Variants in MID2 observed in about 807,000 individuals in gnomAD.
MID2 encodes probable E3 ubiquitin-protein ligase MID2.
A neutral mutation model predicts 46.1 loss-of-function variants in MID2; 13 were observed. The observed-to-expected ratio is 0.28, with a 90% CI of 0.18 to 0.45. MID2 has a LOEUF of 0.45. Among genes scored for constraint, MID2 ranks in the 20% least tolerant of loss-of-function variants. MID2 has a pLI of 1.00. For missense variants in MID2, 431 were observed against 575.4 expected, an observed-to-expected ratio of 0.75 and a Z score of 2.57; for synonymous variants, 199 against 212.3, an observed-to-expected ratio of 0.94 and a Z score of 0.55.
At chrX:107,903,209 A>C (rs762231961) in intron 3 of MID2, among the ~76,000 whole-genome samples, 4 of 111,696 alleles carry the variant, frequency 3.6e-5, no homozygotes, top group East Asian at 2.8e-4. Flanking sequence ...GGGCAGCCCC[A>C]AAATCCCCTG....
rs1169737281 is a variant in MID2 at position 107,854,676 on chromosome X, A to G, written c.788A>G (p.Lys263Arg). The G allele has an allele frequency of 8.3e-7, 1 of 1,208,622 alleles. No homozygotes were observed. The highest frequency in any genetic ancestry group is 1.1e-6 in the Non-Finnish European group (1 of 892,582). The change falls in exon 3 of 10, where the codon AAA becomes AGA. Residue 263 changes from lysine (K) to arginine (R), a missense_variant. Physicochemically the swap from Lys to Arg is conservative, Grantham distance 26. Transcript: ENST00000262843. ...AGCGAACTAGAAAATCAAATGGCCA[A>G]ACTAATACAGATCTGCCAGCAGGTT... is the stretch of plus-strand genomic sequence containing the variant. ...RNSELENQMA[K>R]LIQICQQVEV...
chrX:107,880,281 C>T (rs1289360105), intron 3 of MID2, among the ~76,000 whole-genome samples: 1 of 110,656 alleles, frequency 9.0e-6, no homozygotes, highest in East Asian at 2.8e-4. Context: ...GCTGCCATGC[C>T]TGGCTAATTT....
chrX:107,893,017 C>G (rs1244357312), intron 3 of MID2, among the ~76,000 whole-genome samples: 2 of 112,585 alleles, frequency 1.8e-5, no homozygotes, highest in East Asian at 5.6e-4. Flanking sequence ...CACATAATAA[C>G]AGTAAAATTT....
At chrX:107,828,567 A>C (rs188490658) in intron 1 of MID2, among the ~76,000 whole-genome samples, 1 of 111,639 alleles carries the variant, frequency 9.0e-6, no homozygotes, top group Admixed American at 9.5e-5. Flanking sequence ...GGGCCTCGCC[A>C]AGTGCTGGGA....
chrX:107,852,039 T>A (rs1334026971), intron 2 of MID2, among the ~76,000 whole-genome samples: 2 of 111,141 alleles, frequency 1.8e-5, no homozygotes, highest in African/African-American at 6.5e-5. Context: ...ATTACATGTG[T>A]CTACCGCCAT....
chrX:107,889,469 A>T (rs1602488156), intron 3 of MID2, among the ~76,000 whole-genome samples: 3 of 111,792 alleles, frequency 2.7e-5, no homozygotes, highest in African/African-American at 9.8e-5. Flanking sequence ...TCTGGCTTGT[A>T]GAGTTTCTGC....
intron 1 of MID2, among the ~76,000 whole-genome samples, chrX:107,828,046 G>A (rs1306612436): frequency 9.0e-6 from 1 of 111,719 alleles, no homozygotes; most frequent in Non-Finnish European, 1.9e-5. Flanking sequence ...CCATCACCTT[G>A]GTTGACTGTG....
intron 3 of MID2, among the ~76,000 whole-genome samples, chrX:107,888,225 A>G (rs1347507553): frequency 9.0e-6 from 1 of 111,620 alleles, no homozygotes; most frequent in South Asian, 3.8e-4. Flanking sequence ...TTAGGGTGTC[A>G]ATTTCAGATC....
intron 6 of MID2, among the ~76,000 whole-genome samples, chrX:107,917,077 G>T (rs1483371633): frequency 8.9e-6 from 1 of 111,867 alleles, no homozygotes; most frequent in Admixed American, 9.4e-5. Context: ...GAAGGCAGAG[G>T]TTGCAGTGAG....
intron 3 of MID2, among the ~76,000 whole-genome samples, chrX:107,873,050 T>C (rs1368175112): frequency 4.5e-5 from 5 of 111,403 alleles, no homozygotes; most frequent in Non-Finnish European, 7.5e-5. Context: ...ACAATGAAGA[T>C]GGTACTGTAT....
chrX:107,861,264 G>A (rs1931846198), intron 3 of MID2, among the ~76,000 whole-genome samples: 1 of 111,750 alleles, frequency 8.9e-6, no homozygotes, highest in Non-Finnish European at 1.9e-5. Context: ...TGAGGGAGAA[G>A]GTTCTACGCA....
intron 1 of MID2, among the ~76,000 whole-genome samples, chrX:107,837,328 A>G (rs916302474): frequency 2.7e-5 from 3 of 111,751 alleles, no homozygotes; most frequent in Non-Finnish European, 5.6e-5. Context: ...TCAGCAATAC[A>G]TGTGACCAAC....
At chrX:107,891,335 C>G (rs1254261835) in intron 3 of MID2, among the ~76,000 whole-genome samples, 1 of 103,263 alleles carries the variant, frequency 9.7e-6, no homozygotes, top group Non-Finnish European at 2.0e-5. Context: ...GGCTGGAATG[C>G]AGTGGCGCAA....
chrX:107,878,193 G>A (rs912057880), intron 3 of MID2, among the ~76,000 whole-genome samples: 11 of 111,020 alleles, frequency 9.9e-5, no homozygotes, highest in Admixed American at 8.6e-4. Flanking sequence ...ACAGCTGCCC[G>A]TGTGGGGTCC....
chrX:107,840,612 T>C, intron 1 of MID2, 58 bp from the exon 2 acceptor site: 1 of 934,065 alleles, frequency 1.1e-6, no homozygotes, highest in Admixed American at 2.4e-5. Context: ...TGTATAATTG[T>C]GTTATATCCA....
intron 7 of MID2, among the ~76,000 whole-genome samples, chrX:107,919,683 G>A (rs951086208): frequency 2.7e-5 from 3 of 111,748 alleles, no homozygotes; most frequent in Admixed American, 9.5e-5. Context: ...TGAAGTGAAT[G>A]TAGTACTCCC....
intron 2 of MID2, among the ~76,000 whole-genome samples, chrX:107,850,338 G>T (rs1931584955): frequency 9.0e-6 from 1 of 111,427 alleles, no homozygotes; most frequent in Admixed American, 9.6e-5. Flanking sequence ...TGCTAGGCAT[G>T]ATAAGGAAGA....
rs1933132716 is a variant in MID2 at position 107,924,427 on chromosome X, C to T, written c.1520C>T (p.Thr507Ile). The T allele has an allele frequency of 8.3e-7, 1 of 1,211,260 alleles. No homozygotes were observed. Among genetic ancestry groups the T allele is most frequent in the East Asian group, 3.0e-5 (1 of 33,849 alleles). ...ACAGTGCATGGACTCCAGAGCGGGA[C>T]TCGCTACATCTTCATCGTTAAAGCC... ...HYTVHGLQSG[T>I]RYIFIVKAIN... is the part of the protein sequence containing the mutation. Residue 507 changes from threonine to isoleucine, a missense_variant, in exon 8 of 10, where the codon ACT becomes ATT. Coordinates refer to ENST00000262843, the MANE Select transcript of MID2 (RefSeq NM_012216.4).
intron 3 of MID2, among the ~76,000 whole-genome samples, chrX:107,885,679 T>G (rs1932436971): frequency 8.9e-6 from 1 of 111,835 alleles, no homozygotes; most frequent in Middle Eastern, 4.2e-3. Context: ...TAGTTCTAGA[T>G]CCCTGAGGAA....
Sources: allele counts gnomAD v4.1 joint callset (sites outside exome capture counted in the v4.1 genomes callset), GRCh38; gene constraint gnomAD v4.1.1; transcripts MANE v1.5; gene names NCBI Gene and HGNC (gene_info 2026-07-23, HGNC 2026-07-21).